The following CCDC6 variants were observed in gnomAD, a reference collection of about 807,000 sequenced individuals.
The protein encoded by CCDC6 is coiled-coil domain-containing protein 6.
In CCDC6, 20 loss-of-function variants were observed where a neutral mutation model predicts 56.6. The ratio of observed to expected loss-of-function variants is 0.35; its 90% CI spans 0.25 to 0.51. The LOEUF (loss-of-function observed/expected upper bound fraction) is 0.51. Among genes scored for constraint, CCDC6 ranks in the 20% least tolerant of loss-of-function variants. The pLI, the probability that CCDC6 is intolerant of heterozygous loss-of-function variation, is 0.95. For synonymous variants in CCDC6, 241 were observed against 234.4 expected, an observed-to-expected ratio of 1.03 and a Z score of -0.26; for missense variants, 367 against 601.1, an observed-to-expected ratio of 0.61 and a Z score of 4.07.
intron 1 of CCDC6, among the ~76,000 whole-genome samples, chr10:59,868,904 T>C (rs1475031222): frequency 6.7e-6 from 1 of 148,420 alleles, no homozygotes; most frequent in African/African-American, 2.6e-5. Context: ...TGGTTTCCTC[T>C]GGACTTTGTC....
chr10:59,835,488 T>C (rs577301750), intron 2 of CCDC6, among the ~76,000 whole-genome samples: 4 of 152,320 alleles, frequency 2.6e-5, no homozygotes, highest in South Asian at 4.1e-4. Context: ...CTAAGGAAAA[T>C]TTGATGGTAA....
chr10:59,834,314 CAT>C (rs1176994527), intron 2 of CCDC6, among the ~76,000 whole-genome samples: 4 of 152,110 alleles, frequency 2.6e-5, no homozygotes, highest in African/African-American at 9.7e-5. Context: ...AGGTGGATCA[CAT>C]GAGACCAGGA....
intron 3 of CCDC6, among the ~76,000 whole-genome samples, chr10:59,820,966 C>T (rs2070745563): frequency 6.6e-6 from 1 of 151,422 alleles, no homozygotes; most frequent in African/African-American, 2.4e-5. Flanking sequence ...ATGTCTAATG[C>T]TATGTCTAAA....
Position 59,806,967 on chromosome 10 carries a change from C to T in CCDC6, c.959G>A (p.Arg320Gln), listed in dbSNP as rs1324562647. The T allele has an allele frequency of 3.1e-6, 5 of 1,614,072 alleles. No individual in the cohort carries two copies. Among genetic ancestry groups the T allele is most frequent in the Non-Finnish European group, 4.2e-6 (5 of 1,179,974 alleles). The change falls in exon 6 of 9, where the codon CGA becomes CAA. Residue 320 changes from arginine (R) to glutamine (Q), a missense_variant. By Grantham distance (43) the Arg-to-Gln change is conservative. This residue lies in a region of CCDC6 where 81 missense variants were observed against 150.8 expected (regional missense o/e 0.54). Transcript: ENST00000263102. ...GCTGGACTCACTCTCGGAGAGCTGT[C>T]GACAGAGGGCTTCTCTTCTCTCCAT... ...REMERREALC[R>Q]QLSESESSLE...
intron 2 of CCDC6, among the ~76,000 whole-genome samples, chr10:59,850,377 C>A (rs2071027532): frequency 6.6e-6 from 1 of 151,892 alleles, no homozygotes; most frequent in Admixed American, 6.5e-5. Flanking sequence ...AAATAAAAAG[C>A]CTAAAAACCA....
intron 7 of CCDC6, among the ~76,000 whole-genome samples, chr10:59,801,802 A>G (rs2132624943): frequency 6.6e-6 from 1 of 152,256 alleles, no homozygotes. Context: ...TACTGCTCAA[A>G]TTGTCCCAGT....
chr10:59,855,433 G>T (rs1336709991), intron 1 of CCDC6, among the ~76,000 whole-genome samples: 5 of 152,166 alleles, frequency 3.3e-5, no homozygotes, highest in Non-Finnish European at 7.3e-5. Context: ...TGAGCATGGT[G>T]GTGAGCGCCT....
intron 5 of CCDC6, among the ~76,000 whole-genome samples, chr10:59,808,531 T>C (rs1564738934): frequency 6.6e-6 from 1 of 152,248 alleles, no homozygotes; most frequent in South Asian, 2.1e-4. Flanking sequence ...TCATTTCTTT[T>C]CCTTGTCTTT....
intron 1 of CCDC6, among the ~76,000 whole-genome samples, chr10:59,884,649 G>GA (rs5785416): frequency 0.41 from 62,007 of 150,304 alleles, 14,092 homozygotes; most frequent in East Asian, 0.62. Context: ...GTGTAAAGTA[G>GA]AAAAAAAAAA....
chr10:59,887,416 G>A (rs1460949178), intron 1 of CCDC6, among the ~76,000 whole-genome samples: 1 of 146,842 alleles, frequency 6.8e-6, no homozygotes. Flanking sequence ...TGAGACAAAA[G>A]ACTGAAAACA....
intron 1 of CCDC6, among the ~76,000 whole-genome samples, chr10:59,861,176 C>T (rs182270845): frequency 6.6e-6 from 1 of 151,768 alleles, no homozygotes; most frequent in East Asian, 1.9e-4. Flanking sequence ...TAGACTATCT[C>T]AAAAAATAAT....
intron 1 of CCDC6, among the ~76,000 whole-genome samples, chr10:59,862,071 C>A (rs2071133637): frequency 6.6e-6 from 1 of 152,108 alleles, no homozygotes; most frequent in South Asian, 2.1e-4. Context: ...ATCTTCAAGG[C>A]AGCCAGAGAA....
Position 59,804,446 on chromosome 10 carries a change from G to A in CCDC6, c.1079C>T (p.Pro360Leu), listed in dbSNP as rs780145986. 14 of 1,612,246 alleles carry A rather than the reference G, an allele frequency of 8.7e-6. No homozygotes were observed. The highest frequency in any genetic ancestry group is 1.3e-5 in the African/African-American group (1 of 74,824). ...AGGTGATATAGGCCTGCTTGAACTC[G>A]GAGAAGGTGTGTAAGGGATCGGGCT... is the stretch of plus-strand genomic sequence containing the variant. ...VSSPIPYTPS[P>L]SSSRPISPGL... Residue 360 changes from proline to leucine, a missense_variant, in exon 7 of 9, where the codon CCG becomes CTG. Pro to Leu is a moderately conservative substitution (Grantham distance 98). Transcript: ENST00000263102.
intron 1 of CCDC6, among the ~76,000 whole-genome samples, chr10:59,862,237 A>C (rs1317898794): frequency 6.6e-6 from 1 of 151,992 alleles, no homozygotes; most frequent in Non-Finnish European, 1.5e-5. Context: ...CTATAAACCC[A>C]GCACTGTGTG....
At position 59,790,286 on chromosome 10, in the gene CCDC6, C is replaced by G. The variant is rs756884651; in HGVS notation, c.*2631G>C. On this transcript the variant is annotated 3_prime_UTR_variant, in exon 9 of 9. Coordinates refer to ENST00000263102, the MANE Select transcript of CCDC6 (RefSeq NM_005436.5). Reference sequence around the variant, plus strand: ...GCTACTGAAGCCCCTGTTGCTCCCACCTGCCTGCAGGACGGCTACTGATTT... The same window carrying G: ...GCTACTGAAGCCCCTGTTGCTCCCAGCTGCCTGCAGGACGGCTACTGATTT... 21 of 220,220 alleles carry G rather than the reference C, an allele frequency of 9.5e-5. No homozygotes were observed. The highest frequency in any genetic ancestry group is 2.7e-5 in the Non-Finnish European group (3 of 109,594). 13.6% of individuals were successfully genotyped at this position (220,220 alleles called of 1,614,324 possible). A position where few individuals can be genotyped will look rare whatever the true frequency, so the allele number is the denominator to read the frequency against.
chr10:59,866,901 A>T (rs1337547524), intron 1 of CCDC6, among the ~76,000 whole-genome samples: 1 of 152,218 alleles, frequency 6.6e-6, no homozygotes, highest in Non-Finnish European at 1.5e-5. Flanking sequence ...CAGAATGACA[A>T]GCCCTGTAAT....
intron 1 of CCDC6, among the ~76,000 whole-genome samples, chr10:59,879,845 T>A (rs978103732): frequency 2.0e-5 from 3 of 152,168 alleles, no homozygotes; most frequent in African/African-American, 7.2e-5. Context: ...TTCCCCTCAA[T>A]GCAATGAACG....
chr10:59,831,875 G>A (rs1360533823), intron 3 of CCDC6, among the ~76,000 whole-genome samples: 1 of 152,216 alleles, frequency 6.6e-6, no homozygotes, highest in Non-Finnish European at 1.5e-5. Context: ...AGAGGACAAA[G>A]GGATTGCGTG....
intron 1 of CCDC6, among the ~76,000 whole-genome samples, chr10:59,899,490 G>A (rs1378922694): frequency 6.6e-6 from 1 of 152,222 alleles, no homozygotes; most frequent in Admixed American, 6.5e-5. Context: ...GGTGACACTT[G>A]TGTCTCTGCA....
Sources: allele counts gnomAD v4.1 joint callset (sites outside exome capture counted in the v4.1 genomes callset), GRCh38; gene constraint gnomAD v4.1.1; regional missense constraint gnomAD v4.1.1; transcripts MANE v1.5; gene names NCBI Gene and HGNC (gene_info 2026-07-23, HGNC 2026-07-21).